Variants in SMCHD1 observed in about 807,000 individuals in gnomAD.
SMCHD1 encodes the protein structural maintenance of chromosomes flexible hinge domain-containing protein 1.
In SMCHD1, 78 loss-of-function variants were observed where a neutral mutation model predicts 254.7. The observed-to-expected ratio is 0.31, with a 90% CI of 0.26 to 0.37. SMCHD1 has a LOEUF of 0.37. SMCHD1 is among the 10% of genes least tolerant of loss of function. The probability of loss-of-function intolerance (pLI) is 1.00; values close to 1 mark genes in which losing one functional copy is unlikely to be tolerated. For synonymous variants in SMCHD1, 766 were observed against 794.9 expected, an observed-to-expected ratio of 0.96 and a Z score of 0.61; for missense variants, 1,840 against 2,408.1, an observed-to-expected ratio of 0.76 and a Z score of 4.94.
chr18:2,750,853 A>G (rs1042064847), intron 32 of SMCHD1, among the ~76,000 whole-genome samples: 6 of 152,136 alleles, frequency 3.9e-5, no homozygotes, highest in African/African-American at 1.2e-4. Context: ...AAAGTAGACT[A>G]TACCGTATAT....
At chr18:2,674,703 T>C (rs1446712373) in intron 5 of SMCHD1, among the ~76,000 whole-genome samples, 1 of 152,250 alleles carries the variant, frequency 6.6e-6, no homozygotes, top group Non-Finnish European at 1.5e-5. Context: ...AGTGGAACTC[T>C]AGTAAGAAGA....
intron 36 of SMCHD1, among the ~76,000 whole-genome samples, chr18:2,763,165 T>TA (rs2075815032): frequency 6.6e-6 from 1 of 152,228 alleles, no homozygotes; most frequent in African/African-American, 2.4e-5. Flanking sequence ...CCAAAACATC[T>TA]TGTTGGGGTA....
chr18:2,746,420 A>G (rs2075454125), intron 29 of SMCHD1, among the ~76,000 whole-genome samples: 1 of 152,192 alleles, frequency 6.6e-6, no homozygotes, highest in South Asian at 2.1e-4. Context: ...AGTTTGGGTA[A>G]ACAGTTATTT....
In SMCHD1 at chr18:2,750,051, T is replaced by C; in HGVS notation, c.3936T>C (p.Pro1312=). Residue 1312 remains proline (P), a synonymous_variant, in exon 31 of 48, where the codon CCT becomes CCC. Coordinates refer to ENST00000320876, the MANE Select transcript of SMCHD1 (RefSeq NM_015295.3). ...LTKASNLKLM[P]SNQQHKTDEK... Reference sequence around the variant, plus strand: ...TTTTGTTTTGTTTTTAGCTCATGCCTTCAAACCAACAGCATAAAACAGATG... The same window carrying C: ...TTTTGTTTTGTTTTTAGCTCATGCCCTCAAACCAACAGCATAAAACAGATG... 1 of 1,564,228 alleles carries C rather than the reference T, an allele frequency of 6.4e-7. No individual in the cohort carries two copies. Among genetic ancestry groups the C allele is most frequent in the Non-Finnish European group, 8.7e-7 (1 of 1,153,010 alleles).
At chr18:2,783,072 G>A (rs895288869) in intron 44 of SMCHD1, among the ~76,000 whole-genome samples, 57 of 151,992 alleles carry the variant, frequency 3.8e-4, no homozygotes, top group African/African-American at 1.2e-3. Flanking sequence ...GTTGGACTAC[G>A]TTTTTATACT....
chr18:2,759,571 C>CTTTTTTT (rs61159403), intron 34 of SMCHD1, among the ~76,000 whole-genome samples: 6,547 of 69,188 alleles, frequency 0.095, 850 homozygotes, highest in East Asian at 0.42. Flanking sequence ...TTAATTCTCT[C>CTTTTTTT]TTTTTTTTTT....
intron 3 of SMCHD1, among the ~76,000 whole-genome samples, chr18:2,669,304 C>T (rs889946475): frequency 3.1e-4 from 47 of 152,126 alleles, no homozygotes; most frequent in African/African-American, 1.1e-3. Context: ...GCTATGACTG[C>T]ACCCCTGCAC....
chr18:2,684,114 G>A (rs748994241), intron 5 of SMCHD1, among the ~76,000 whole-genome samples: 4 of 152,064 alleles, frequency 2.6e-5, no homozygotes, highest in Non-Finnish European at 5.9e-5. Flanking sequence ...TAGATGCTCA[G>A]CAAGACTATC....
rs1252050483 is a variant in SMCHD1, at chr18:2,803,340, T to C, written c.*788T>C. ...TACATTTACATTATTTTGTAATTTT[T>C]TATTACTATTTTTAAGGGGTTAAAG... On this transcript the variant is annotated 3_prime_UTR_variant, in exon 48 of 48. Coordinates refer to ENST00000320876, the MANE Select transcript of SMCHD1 (RefSeq NM_015295.3). 2 of 151,428 alleles carry C rather than the reference T, an allele frequency of 1.3e-5. No homozygotes were observed. The highest frequency in any genetic ancestry group is 4.8e-5 in the African/African-American group (2 of 41,360). 9.4% of individuals were successfully genotyped at this position (151,428 alleles called of 1,614,324 possible).
At position 2,656,017 on chromosome 18, in the gene SMCHD1, C is replaced by T; in HGVS notation, c.-59C>T. 8.1e-7 allele frequency: 1 copy of T among 1,236,518 alleles called. No homozygotes were observed. Among genetic ancestry groups the T allele is most frequent in the Non-Finnish European group, 1.0e-6 (1 of 984,048 alleles). 76.6% of individuals were successfully genotyped at this position (1,236,518 alleles called of 1,614,324 possible). A position where few individuals can be genotyped will look rare whatever the true frequency, so the allele number is the denominator to read the frequency against. On this transcript the variant is annotated 5_prime_UTR_variant, in exon 1 of 48. Transcript: ENST00000320876. ...AGCTGAAGGCGCCGCGCGGAGCGCGCACCTCAGCCCTGAGCCCGGCGGCGG... is the reference window on the plus strand; with the variant it reads ...AGCTGAAGGCGCCGCGCGGAGCGCGTACCTCAGCCCTGAGCCCGGCGGCGG...
intron 17 of SMCHD1, among the ~76,000 whole-genome samples, chr18:2,716,964 A>G (rs961921585): frequency 2.6e-5 from 4 of 152,108 alleles, no homozygotes; most frequent in African/African-American, 9.7e-5. Context: ...TCTCATACCC[A>G]TGGCTGGGGC....
intron 42 of SMCHD1, among the ~76,000 whole-genome samples, chr18:2,776,338 C>T (rs977247077): frequency 2.0e-5 from 3 of 152,132 alleles, no homozygotes; most frequent in African/African-American, 7.2e-5. Context: ...CTTCCCACCT[C>T]AGCTTCCCAA....
intron 7 of SMCHD1, among the ~76,000 whole-genome samples, chr18:2,691,381 G>C (rs1428797150): frequency 6.6e-6 from 1 of 152,124 alleles, no homozygotes; most frequent in African/African-American, 2.4e-5. Context: ...TACCTGGTCT[G>C]TTTCCTTTTC....
intron 5 of SMCHD1, among the ~76,000 whole-genome samples, chr18:2,679,855 T>C (rs1289857177): frequency 1.3e-5 from 2 of 152,294 alleles, no homozygotes; most frequent in Middle Eastern, 3.4e-3. Flanking sequence ...ATATACTTGA[T>C]GGTGTTCTAT....
Position 2,712,875 on chromosome 18 carries a change from A to C in SMCHD1, c.2260+4955A>C, listed in dbSNP as rs75762960. 1.5e-3 allele frequency among the ~76,000 whole-genome samples: 229 copies of C among 152,304 alleles called. 1 individual carries two copies. The highest frequency in any genetic ancestry group is 5.0e-3 in the African/African-American group (208 of 41,560). On this transcript the variant is annotated intron_variant, in intron 17 of 47. Transcript: ENST00000320876. ...CTAGGAAACTAGTCATAGCTCTGCA[A>C]TACTCCACGCATGATCTGGCCCTTC...
chr18:2,799,623 A>T (rs955345827), intron 47 of SMCHD1, among the ~76,000 whole-genome samples: 1 of 152,198 alleles, frequency 6.6e-6, no homozygotes, highest in African/African-American at 2.4e-5. Flanking sequence ...CATGACTCTT[A>T]CTTAGGCCAC....
intron 7 of SMCHD1, among the ~76,000 whole-genome samples, chr18:2,690,971 A>G (rs114102569): frequency 6.7e-6 from 1 of 150,072 alleles, no homozygotes; most frequent in Non-Finnish European, 1.5e-5. Context: ...AAAAAAAAAA[A>G]AAACCTTTTC....
chr18:2,706,512 T>G, intron 15 of SMCHD1, 42 bp downstream of exon 15: 7 of 1,345,452 alleles, frequency 5.2e-6, no homozygotes, highest in Non-Finnish European at 6.2e-6. Context: ...TAAGAAAAAT[T>G]GGAAAGAATT....
In SMCHD1 at chr18:2,718,778, C is replaced by T. The variant is rs1215569626; in HGVS notation, c.2458+344C>T. 6.6e-6 allele frequency among the ~76,000 whole-genome samples: 1 copy of T among 152,160 alleles called. No individual in the cohort carries two copies. The highest frequency in any genetic ancestry group is 1.5e-5 in the Non-Finnish European group (1 of 68,042). ...ATGTTGACTAGGCTGGTCTCGATCT[C>T]ATAACTTCTGATGATCTACCTGCCT... On this transcript the variant is annotated intron_variant, in intron 19 of 47. Transcript: ENST00000320876. The surrounding 1 kb of genome is among the most constrained non-coding windows in gnomAD (Gnocchi z 4.6).
Sources: allele counts gnomAD v4.1 joint callset (sites outside exome capture counted in the v4.1 genomes callset), GRCh38; gene constraint gnomAD v4.1.1; non-coding constraint Gnocchi (gnomAD v3.1); transcripts MANE v1.5; gene names NCBI Gene and HGNC (gene_info 2026-07-23, HGNC 2026-07-21).